The following PRDM16 variants were observed in gnomAD, a reference collection of about 807,000 sequenced individuals.
PRDM16 encodes the protein PR/SET domain 16, also known as histone-lysine N-methyltransferase PRDM16.
Under a neutral mutation model 110.6 loss-of-function variants are expected in PRDM16, and 23 were observed. The observed-to-expected ratio is 0.21, with a 90% confidence interval of 0.15 to 0.29. The LOEUF is 0.29. PRDM16 is among the 10% of genes least tolerant of loss of function. The pLI is 1.00. For missense variants in PRDM16, 1,615 were observed against 1,794.3 expected (o/e 0.90, Z 1.81); for synonymous variants, 799 against 781.8 (o/e 1.02, Z -0.37).
At chr1:3,262,003 C>G (rs1640174474) in intron 3 of PRDM16, among the ~76,000 whole-genome samples, 2 of 152,240 alleles carry the variant, frequency 1.3e-5, no homozygotes, top group Admixed American at 1.3e-4. Flanking sequence ...TGAATGGAAG[C>G]TTCCAGTACA....
intron 10 of PRDM16, among the ~76,000 whole-genome samples, chr1:3,416,967 G>T (rs1290286642): frequency 6.6e-6 from 1 of 152,234 alleles, no homozygotes; most frequent in Admixed American, 6.5e-5. Context: ...AAGAGAAGGG[G>T]AGCTGGGAGA....
intron 3 of PRDM16, among the ~76,000 whole-genome samples, chr1:3,253,076 C>T (rs930304147): frequency 1.8e-4 from 27 of 152,100 alleles, no homozygotes; most frequent in African/African-American, 5.8e-4. Context: ...GCTCGCCAGG[C>T]GCCACGTGCT....
chr1:3,185,985 G>A (rs1007348016), intron 1 of PRDM16, 140 bp from the exon 2 acceptor site: 31 of 679,134 alleles, frequency 4.6e-5, no homozygotes, highest in Non-Finnish European at 6.2e-5. Flanking sequence ...AGCGTCTCCC[G>A]GGCAGGGGTG....
intron 1 of PRDM16, among the ~76,000 whole-genome samples, chr1:3,174,890 T>C (rs1448627922): frequency 6.6e-6 from 1 of 152,170 alleles, no homozygotes; most frequent in Admixed American, 6.5e-5. Context: ...ATTGATCATA[T>C]TAATATTTAG....
chr1:3,162,906 A>AGAGGGCTT lies in PRDM16; in HGVS notation c.38-23219_38-23218insGAGGGCTT, dbSNP rs1643912462. Among the ~76,000 whole-genome samples the AGAGGGCTT allele has an allele frequency of 2.9e-4, 17 of 58,164 alleles. No individual in the cohort carries two copies. The South Asian group carries it at 4.0e-3, about 14-fold the overall frequency. The allele number at this position is 58,164 out of a possible 152,430, so 38.2% of individuals were successfully genotyped here. A position where few individuals can be genotyped will look rare whatever the true frequency, so the allele number is the denominator to read the frequency against. The stretch of plus-strand genomic sequence containing the variant: ...GGGGATGTGCGCAGAAGCCCCTGGC[A>AGAGGGCTT]TGGTCTAGAGGGCTTTGGGAGAGGG... On this transcript the variant is annotated intron_variant, in intron 1 of 16. Transcript: ENST00000270722.
intron 1 of PRDM16, among the ~76,000 whole-genome samples, chr1:3,099,283 A>T (rs530343266): frequency 6.6e-6 from 1 of 152,362 alleles, no homozygotes; most frequent in South Asian, 2.1e-4. Context: ...ACCCCGAATG[A>T]GTCCTCAAAC....
In PRDM16 at chr1:3,359,739, A is replaced by G. The variant is rs1642677713; in HGVS notation, c.439-25413A>G. Among the ~76,000 whole-genome samples, 1 of 152,192 alleles carries G rather than the reference A, an allele frequency of 6.6e-6. No individual in the cohort carries two copies. Reference sequence around the variant, plus strand: ...AAGCGTCCTCTGTGTGCCTGAGGGGAACGCACTGGGTTGATCCCTCAGCGG... The same window carrying G: ...AAGCGTCCTCTGTGTGCCTGAGGGGGACGCACTGGGTTGATCCCTCAGCGG... On this transcript the variant is annotated intron_variant, in intron 3 of 16. Transcript: ENST00000270722. The surrounding 1 kb of genome is among the most constrained non-coding windows in gnomAD (Gnocchi z 4.3).
chr1:3,119,405 G>C (rs568613245), intron 1 of PRDM16, among the ~76,000 whole-genome samples: 2 of 152,258 alleles, frequency 1.3e-5, no homozygotes, highest in South Asian at 2.1e-4. Context: ...AGGATGCGGG[G>C]AGGAGGACTC....
intron 12 of PRDM16, chr1:3,424,977 G>A (rs887325569): frequency 4.6e-5 from 7 of 152,464 alleles, no homozygotes; most frequent in African/African-American, 1.7e-4. Context: ...AGGAGACGCC[G>A]GAGGGTCGGG....
At chr1:3,241,873 C>G (rs1639682257) in intron 2 of PRDM16, among the ~76,000 whole-genome samples, 1 of 152,192 alleles carries the variant, frequency 6.6e-6, no homozygotes, top group Admixed American at 6.5e-5. Flanking sequence ...GGCTATGCAT[C>G]TGAGGCCACA....
chr1:3,319,044 ACTGT>A (rs1383159519), intron 3 of PRDM16, among the ~76,000 whole-genome samples: 2 of 152,214 alleles, frequency 1.3e-5, no homozygotes, highest in African/African-American at 4.8e-5. Flanking sequence ...TCCTGCTCAG[ACTGT>A]CTGTGCAGGG....
intron 3 of PRDM16, among the ~76,000 whole-genome samples, chr1:3,250,927 G>A (rs563457649): frequency 6.6e-6 from 1 of 152,352 alleles, no homozygotes; most frequent in Admixed American, 6.5e-5. Flanking sequence ...AGGCAGGGCA[G>A]GGGGCTGTGT....
At chr1:3,225,032 G>T (rs1411883942) in intron 2 of PRDM16, among the ~76,000 whole-genome samples, 2 of 152,220 alleles carry the variant, frequency 1.3e-5, no homozygotes, top group African/African-American at 2.4e-5. Flanking sequence ...TGAGGTGGGG[G>T]CGAGGAGCGC....
chr1:3,409,497 G>C (rs562397513), intron 8 of PRDM16, among the ~76,000 whole-genome samples: 1 of 152,144 alleles, frequency 6.6e-6, no homozygotes, highest in Non-Finnish European at 1.5e-5. Context: ...GAAAGAACAC[G>C]ATCATCTTAG....
At position 3,244,322 on chromosome 1, in the gene PRDM16, A is replaced by G. The variant is rs1639739868; in HGVS notation, c.438+185A>G. 6.6e-6 allele frequency among the ~76,000 whole-genome samples: 1 copy of G among 151,806 alleles called. No homozygotes were observed. Among genetic ancestry groups the G allele is most frequent in the African/African-American group, 2.4e-5 (1 of 41,320 alleles). On this transcript the variant is annotated intron_variant, in intron 3 of 16. Transcript: ENST00000270722. The surrounding 1 kb of genome is among the most constrained non-coding windows in gnomAD (Gnocchi z 4.1). ...GGACGGTGGCTTTGCTGTCATTAGG[A>G]GGGATGGGGAGGTGGGGGTCATGTC...
chr1:3,326,385 A>G (rs1447816741), intron 3 of PRDM16, among the ~76,000 whole-genome samples: 1 of 152,200 alleles, frequency 6.6e-6, no homozygotes, highest in South Asian at 2.1e-4. Flanking sequence ...TTTTTCCAGA[A>G]AAGATCACCT....
chr1:3,422,953 G>A (rs1638480052), intron 12 of PRDM16, among the ~76,000 whole-genome samples: 1 of 152,194 alleles, frequency 6.6e-6, no homozygotes, highest in Admixed American at 6.5e-5. Context: ...AGGCCCCTGG[G>A]ATCAGGAGCA....
chr1:3,194,114 C>G (rs77970146), intron 2 of PRDM16, among the ~76,000 whole-genome samples: 1 of 152,332 alleles, frequency 6.6e-6, no homozygotes, highest in East Asian at 1.9e-4. Context: ...TGCACCAGAC[C>G]GCCGGGCAAG....
At chr1:3,404,041 G>C (rs1041743278) in intron 6 of PRDM16, among the ~76,000 whole-genome samples, 1 of 152,228 alleles carries the variant, frequency 6.6e-6, no homozygotes, top group African/African-American at 2.4e-5. Context: ...CGGGGGAAAA[G>C]ATACAGTCTC....
Sources: gnomAD v4.1 joint callset for allele counts (sites outside exome capture counted in the v4.1 genomes callset) on GRCh38, gnomAD v4.1.1 for gene constraint, Gnocchi (gnomAD v3.1) non-coding constraint, MANE v1.5 for transcripts, NCBI Gene and HGNC (gene_info 2026-07-23, HGNC 2026-07-21) for gene names.